Variants in SYNE2 observed in about 807,000 individuals in gnomAD.
SYNE2 encodes nesprin-2.
A neutral mutation model predicts 856.3 loss-of-function variants in SYNE2; 431 were observed. The observed-to-expected ratio is 0.50, with a 90% CI of 0.47 to 0.55. The LOEUF is 0.55. Among genes scored for constraint, SYNE2 ranks in the 20% least tolerant of loss-of-function variants. The pLI, the probability that SYNE2 is intolerant of heterozygous loss-of-function variation, is 0.00. For synonymous variants in SYNE2, 2,923 were observed against 2,872.3 expected (o/e 1.02, Z -0.56); for missense variants, 8,129 against 8,023.2 (o/e 1.01, Z -0.50).
Position 64,175,996 on chromosome 14 carries a change from C to T in SYNE2, c.17430+858C>T, listed in dbSNP as rs1171097112. Among the ~76,000 whole-genome samples the T allele has an allele frequency of 5.3e-5, 8 of 152,180 alleles. No homozygotes were observed. In the East Asian group the frequency reaches 1.5e-3, roughly 29 times the overall value. ...ATTGCAAATAACAGTTTGAAGAACT[C>T]ATGGTTTTGCTTCTCCTTTGCTTTC... On this transcript the variant is annotated intron_variant, in intron 95 of 115. Transcript: ENST00000555002.
At chr14:63,765,660 A>G (rs1379141081) in intron 1 of SYNE2, among the ~76,000 whole-genome samples, 1 of 152,106 alleles carries the variant, frequency 6.6e-6, no homozygotes, top group African/African-American at 2.4e-5. Flanking sequence ...CCCAGCCCAT[A>G]TGTCATCGAC....
chr14:64,036,903 G>C (rs1392868021), intron 45 of SYNE2, among the ~76,000 whole-genome samples: 1 of 152,122 alleles, frequency 6.6e-6, no homozygotes, highest in Non-Finnish European at 1.5e-5. Flanking sequence ...TAGTCTAGCT[G>C]GGTGGATACA....
intron 7 of SYNE2, among the ~76,000 whole-genome samples, chr14:63,953,456 G>A (rs756230383): frequency 4.3e-4 from 66 of 152,310 alleles, no homozygotes; most frequent in Middle Eastern, 6.8e-3. Flanking sequence ...ATCACTTAGG[G>A]TCTGTGGACC....
Position 64,048,058 on chromosome 14 carries a change from T to A in SYNE2, c.7280T>A (p.Met2427Lys). Residue 2427 changes from methionine to lysine, a missense_variant, in exon 46 of 116, where the codon ATG (methionine) becomes AAG (lysine). By Grantham distance (95) the Met-to-Lys change is moderately conservative. Around this residue, in one of 3 missense-constraint regions of SYNE2, gnomAD observed 5,410 missense variants for 5,284.8 expected, o/e 1.02. Transcript: ENST00000555002. The part of the protein sequence containing the change: ...KQLSLNAQES[M>K]KNTEDERKVN... Reference sequence around the variant, plus strand: ...CTTTCTCTTAATGCTCAAGAAAGCATGAAAAACACTGAAGATGAGCGGAAA... The same window carrying A: ...CTTTCTCTTAATGCTCAAGAAAGCAAGAAAAACACTGAAGATGAGCGGAAA... 6.2e-7 allele frequency: 1 copy of A among 1,613,764 alleles called. No individual in the cohort carries two copies. Among genetic ancestry groups the A allele is most frequent in the East Asian group, 2.2e-5 (1 of 44,766 alleles).
chr14:64,096,023 G>A (rs2097673875), intron 61 of SYNE2, among the ~76,000 whole-genome samples: 2 of 152,264 alleles, frequency 1.3e-5, no homozygotes, highest in South Asian at 4.2e-4. Flanking sequence ...TTAGGAAGAT[G>A]TAGTCTTCAA....
Position 64,132,353 on chromosome 14 carries a change from C to T in SYNE2, c.14429C>T (p.Thr4810Ile). The T allele has an allele frequency of 1.2e-6, 2 of 1,614,080 alleles. No homozygotes were observed. The highest frequency in any genetic ancestry group is 1.1e-5 in the South Asian group (1 of 91,080). ...ILPSLLQNRE[T>I]FWAEQVTEVK... ...CCTTCTTTATTGCAAAACAGAGAGA[C>T]ATTTTGGGCAGAACAAGTAACAGAA... Residue 4810 changes from threonine to isoleucine, a missense_variant, in exon 77 of 116, where the codon ACA (threonine) becomes ATA (isoleucine). Physicochemically the swap from Thr to Ile is moderately conservative, Grantham distance 89 (BLOSUM62 -1). Coordinates refer to ENST00000555002, the MANE Select transcript of SYNE2 (RefSeq NM_182914.3).
At position 64,062,837 on chromosome 14, in the gene SYNE2, C is replaced by G. The variant is rs749588461; in HGVS notation, c.10154C>G (p.Ser3385Cys). 1 of 1,614,108 alleles carries G rather than the reference C, an allele frequency of 6.2e-7. No homozygotes were observed. The highest frequency in any genetic ancestry group is 8.5e-7 in the Non-Finnish European group (1 of 1,179,988). The part of the protein sequence containing the change: ...LSKMETVLGQ[S>C]MSSLPLSYRE... The stretch of plus-strand genomic sequence containing the variant: ...AAAATGGAGACAGTTCTTGGACAGT[C>G]CATGTCCTCGTTGCCACTGTCTTAC... The change falls in exon 50 of 116, where the codon TCC becomes TGC. Residue 3385 changes from serine to cysteine, a missense_variant. By Grantham distance (112) the Ser-to-Cys change is moderately radical (BLOSUM62 -1). Around this residue, in one of 3 missense-constraint regions of SYNE2, gnomAD observed 5,410 missense variants for 5,284.8 expected, o/e 1.02. Transcript: ENST00000555002.
intron 65 of SYNE2, among the ~76,000 whole-genome samples, chr14:64,109,739 T>C (rs562774877): frequency 1.3e-5 from 2 of 152,326 alleles, no homozygotes; most frequent in South Asian, 4.1e-4. Context: ...TACCTCTTGG[T>C]GACTGTCTTC....
chr14:64,123,600 G>A (rs1567370397), intron 70 of SYNE2, among the ~76,000 whole-genome samples: 1 of 152,142 alleles, frequency 6.6e-6, no homozygotes, highest in Non-Finnish European at 1.5e-5. Flanking sequence ...CCCAAGCAGA[G>A]TCATCTACCA....
At chr14:63,856,261 T>C (rs912409830) in intron 1 of SYNE2, among the ~76,000 whole-genome samples, 1 of 152,198 alleles carries the variant, frequency 6.6e-6, no homozygotes, top group African/African-American at 2.4e-5. Context: ...TTAGCCCTTT[T>C]TATGGTTTAA....
chr14:64,029,604 A>G (rs966351011), intron 43 of SYNE2, among the ~76,000 whole-genome samples: 3 of 152,334 alleles, frequency 2.0e-5, no homozygotes, highest in Admixed American at 2.0e-4. Context: ...ATTTGTAGCT[A>G]TTTCATTTTA....
Position 64,056,574 on chromosome 14 carries a change from C to T in SYNE2, c.10067+308C>T, listed in dbSNP as rs532556514. 4.0e-5 allele frequency among the ~76,000 whole-genome samples: 6 copies of T among 151,466 alleles called. No homozygotes were observed. The East Asian group carries it at 1.2e-3, about 29-fold the overall frequency. ...AATGATAAAACTAATATCTTTGTAC[C>T]CAAAAGGACATCGAGTTCTCTTGTG... On this transcript the variant is annotated intron_variant, in intron 49 of 115. Transcript: ENST00000555002.
At position 64,202,803 on chromosome 14, in the gene SYNE2, T is replaced by G. The variant is rs1333387931; in HGVS notation, c.18041T>G (p.Val6014Gly). The G allele has an allele frequency of 6.2e-7, 1 of 1,614,162 alleles. No homozygotes were observed. The highest frequency in any genetic ancestry group is 8.5e-7 in the Non-Finnish European group (1 of 1,180,026). The change falls in exon 100 of 116, where the codon GTG (valine) becomes GGG (glycine). Residue 6014 changes from valine to glycine, a missense_variant and splice_region_variant. Val to Gly is a moderately radical substitution (Grantham distance 109). Transcript: ENST00000555002. Reference sequence around the variant, plus strand: ...TGTTTTTCTGCAAATATGTGTAGGGTGAAGAAGCTGAAGGAGACCTTTGCT... The same window carrying G: ...TGTTTTTCTGCAAATATGTGTAGGGGGAAGAAGCTGAAGGAGACCTTTGCT... ...QHLFDVIGSR[V>G]KKLKETFAFI...
chr14:64,100,354 T>G (rs1468824176), intron 63 of SYNE2: 1 of 150,948 alleles, frequency 6.6e-6, no homozygotes, highest in African/African-American at 2.4e-5. Context: ...AAAAATTGTA[T>G]GCATTCAAAA....
At chr14:64,145,141 G>T (rs1255060041) in intron 83 of SYNE2, among the ~76,000 whole-genome samples, 2 of 151,692 alleles carry the variant, frequency 1.3e-5, no homozygotes, top group Non-Finnish European at 2.9e-5. Flanking sequence ...TGGTCAGGAT[G>T]GTCTCGAACT....
chr14:64,215,274 G>A lies in SYNE2; in HGVS notation c.19334-12G>A, dbSNP rs757642874. The A allele has an allele frequency of 6.2e-7, 1 of 1,613,900 alleles. No homozygotes were observed. The highest frequency in any genetic ancestry group is 2.2e-5 in the East Asian group (1 of 44,900). ...CACCTCCAGTGAGGCAAATGACATT[G>A]TTCTTTTTCAGATGTAGAAATCCCT... On this transcript the variant is annotated splice_polypyrimidine_tract_variant and intron_variant, in intron 106 of 115. Transcript: ENST00000555002.
intron 1 of SYNE2, among the ~76,000 whole-genome samples, chr14:63,809,159 A>AC (rs1888509294): frequency 6.6e-6 from 1 of 151,034 alleles, no homozygotes; most frequent in Non-Finnish European, 1.5e-5. Context: ...CCTTTATTTT[A>AC]TTTTTTTTGC....
rs755788132 is a variant in SYNE2, at chr14:64,021,914, A to G, written c.5410A>G (p.Ile1804Val). 9.3e-6 allele frequency: 15 copies of G among 1,613,910 alleles called. No individual in the cohort carries two copies. In the Admixed American group the frequency reaches 2.5e-4, roughly 27 times the overall value. ...CAGTATGATATTACTTGAGAATCAA[A>G]TAGGTTGTCTGACTCCTGAACTCTC... ...KHSMILLENQ[I>V]GCLTPELSEL... The change falls in exon 37 of 116, where the codon ATA becomes GTA. Residue 1804 changes from isoleucine to valine, a missense_variant. Ile to Val is a conservative substitution (Grantham distance 29, BLOSUM62 3). Transcript: ENST00000555002.
At position 64,159,310 on chromosome 14, in the gene SYNE2, A is replaced by G; in HGVS notation, c.15964-2A>G. ...CTTAAATTTCTTGTTTGTGTCTCTT[A>G]GTCTCTGCAAGATGAAGCTGAGAGC... On this transcript the variant is annotated splice_acceptor_variant, in intron 86 of 115. Transcript: ENST00000555002. LOFTEE classifies it high-confidence loss of function. The G allele has an allele frequency of 6.2e-7, 1 of 1,613,824 alleles. No homozygotes were observed. Among genetic ancestry groups the G allele is most frequent in the Non-Finnish European group, 8.5e-7 (1 of 1,179,798 alleles).
Sources: gnomAD v4.1 joint callset for allele counts (sites outside exome capture counted in the v4.1 genomes callset) on GRCh38, gnomAD v4.1.1 for gene constraint, gnomAD v4.1.1 regional missense constraint, MANE v1.5 for transcripts, NCBI Gene and HGNC (gene_info 2026-07-23, HGNC 2026-07-21) for gene names.